Variants in AHSA1 observed in about 807,000 individuals in gnomAD.
AHSA1 encodes activator of HSP90 ATPase activity 1.
In AHSA1, 14 loss-of-function variants were observed where a neutral mutation model predicts 46.1. The observed-to-expected ratio is 0.30, with a 90% confidence interval of 0.20 to 0.47. AHSA1 has a LOEUF of 0.47. Ranked by LOEUF, AHSA1 falls within the 20% of genes least tolerant of loss-of-function variation. The pLI is 0.99. For missense variants in AHSA1, 333 were observed against 415.9 expected (o/e 0.80, Z 1.73); for synonymous variants, 147 against 145.8 (o/e 1.01, Z -0.06).
intron 7 of AHSA1, 80 bp from the exon 8 acceptor site, chr14:77,468,377 T>C: frequency 1.5e-6 from 2 of 1,373,920 alleles, no homozygotes; most frequent in Non-Finnish European, 1.0e-6. Context: ...AGACTCCGTA[T>C]GAAGGGCAGA....
intron 1 of AHSA1, among the ~76,000 whole-genome samples, 198 bp from the exon 2 acceptor site, chr14:77,459,418 C>A (rs1021379950): frequency 1.3e-5 from 2 of 152,234 alleles, no homozygotes; most frequent in Non-Finnish European, 2.9e-5. Context: ...TCTACAGCAG[C>A]TGTCTTTGTT....
At chr14:77,463,183 G>C (rs1023829442) in intron 4 of AHSA1, 1 of 200,822 alleles carries the variant, frequency 5.0e-6, no homozygotes, top group East Asian at 1.1e-4. Flanking sequence ...GGGAGGCTGA[G>C]GTGGGAGAGT....
intron 1 of AHSA1, 93 bp downstream of exon 1, chr14:77,458,362 C>G: frequency 7.4e-7 from 1 of 1,355,820 alleles, no homozygotes; most frequent in Non-Finnish European, 1.0e-6. Context: ...AGAGCTGGGG[C>G]TGAGGTAGCC....
At position 77,467,419 on chromosome 14, in the gene AHSA1, C is replaced by T. The variant is rs140938478; in HGVS notation, c.691-664C>T. ...TCTCAAAAAAAATAAAAGGGCTGGG[C>T]GCGGTGGCTCACGCCTGTAATCCCA... is the stretch of plus-strand genomic sequence containing the variant. On this transcript the variant is annotated intron_variant, in intron 6 of 8. Coordinates refer to ENST00000216479, the MANE Select transcript of AHSA1 (RefSeq NM_012111.3). 9.2e-5 allele frequency among the ~76,000 whole-genome samples: 14 copies of T among 151,464 alleles called. No individual in the cohort carries two copies. In the East Asian group the frequency reaches 1.2e-3, roughly 13 times the overall value.
chr14:77,468,667 ATCC>A (rs1339651100), intron 8 of AHSA1, 159 bp downstream of exon 8: 1 of 625,208 alleles, frequency 1.6e-6, no homozygotes, highest in East Asian at 2.9e-5. Flanking sequence ...GACCCAAACG[ATCC>A]TCCTGCTTCA....
At chr14:77,460,011 A>C in intron 2 of AHSA1, 2 of 606,362 alleles carry the variant, frequency 3.3e-6, no homozygotes, top group Non-Finnish European at 5.8e-6. Flanking sequence ...TCTGGGTCTC[A>C]TAAGTCCCAT....
At chr14:77,466,616 C>T (rs1034853542) in intron 6 of AHSA1, among the ~76,000 whole-genome samples, 3 of 152,220 alleles carry the variant, frequency 2.0e-5, no homozygotes, top group African/African-American at 7.2e-5. Context: ...ACCCAAAATA[C>T]TCTCGTGATA....
rs755362416 is a variant in AHSA1 at position 77,465,687 on chromosome 14, C to T, written c.690+20C>T. On this transcript the variant is annotated intron_variant, in intron 6 of 8. Coordinates refer to ENST00000216479, the MANE Select transcript of AHSA1 (RefSeq NM_012111.3). The stretch of plus-strand genomic sequence containing the variant: ...CAAGAGGTAAGTAAGTCTTGTCCTT[C>T]AGGCCTCATGCCATCTGCCCTTCTA... The T allele has an allele frequency of 1.2e-6, 2 of 1,611,794 alleles. No individual in the cohort carries two copies. Among genetic ancestry groups the T allele is most frequent in the Non-Finnish European group, 8.5e-7 (1 of 1,178,384 alleles).
chr14:77,469,094 A>G lies in AHSA1; in HGVS notation c.862A>G (p.Thr288Ala), dbSNP rs748895490. 15 of 1,613,864 alleles carry G rather than the reference A, an allele frequency of 9.3e-6. No homozygotes were observed. The highest frequency in any genetic ancestry group is 1.3e-5 in the Non-Finnish European group (15 of 1,179,982). ...SWPEGHFATITLTFIDKNGET... is the reference protein window; with the variant it reads ...SWPEGHFATIALTFIDKNGET... ...TTTCCCAGGACACTTTGCCACCATC[A>G]CCTTGACCTTCATCGACAAGAACGG... The change falls in exon 9 of 9, where the codon ACC (threonine) becomes GCC (alanine). Residue 288 changes from threonine to alanine, a missense_variant. Physicochemically the swap from Thr to Ala is moderately conservative, Grantham distance 58 (BLOSUM62 0). Coordinates refer to ENST00000216479, the MANE Select transcript of AHSA1 (RefSeq NM_012111.3).
intron 1 of AHSA1, among the ~76,000 whole-genome samples, chr14:77,458,762 G>A (rs557836264): frequency 6.6e-6 from 1 of 152,354 alleles, no homozygotes; most frequent in African/African-American, 2.4e-5. Context: ...TCAGAGCTCA[G>A]ATAGCTGCGG....
In AHSA1 at chr14:77,458,135, C is replaced by T. The variant is rs2078994577; in HGVS notation, c.-55C>T. On this transcript the variant is annotated 5_prime_UTR_variant, in exon 1 of 9. Transcript: ENST00000216479. ...GCCGGGCGGCTGGCACTAAGCGGTC[C>T]TGAGGCTGTGGCTACGGCTGCTCCG... 2 of 1,478,132 alleles carry T rather than the reference C, an allele frequency of 1.4e-6. No homozygotes were observed. The highest frequency in any genetic ancestry group is 2.6e-5 in the South Asian group (2 of 77,238). The allele number at this position is 1,478,132 out of a possible 1,614,324, so 91.6% of individuals were successfully genotyped here.
Position 77,462,777 on chromosome 14 carries a change from C to T in AHSA1, c.472+18C>T, listed in dbSNP as rs773864643. ...CAAAACAGGTATCCCTTGAGTAGTT[C>T]TGTATGCCTTAAGGAGGTAGTTTCC... On this transcript the variant is annotated intron_variant, in intron 4 of 8. Transcript: ENST00000216479. 2 of 1,601,572 alleles carry T rather than the reference C, an allele frequency of 1.2e-6. No individual in the cohort carries two copies. Among genetic ancestry groups the T allele is most frequent in the Admixed American group, 1.7e-5 (1 of 59,962 alleles).
At chr14:77,459,173 C>T (rs1003204456) in intron 1 of AHSA1, among the ~76,000 whole-genome samples, 1 of 152,122 alleles carries the variant, frequency 6.6e-6, no homozygotes, top group Non-Finnish European at 1.5e-5. Flanking sequence ...AATGCAAGTG[C>T]GAATCTGATA....
chr14:77,463,438 T>C (rs1652928296), intron 4 of AHSA1, among the ~76,000 whole-genome samples: 1 of 151,506 alleles, frequency 6.6e-6, no homozygotes, highest in South Asian at 2.1e-4. Flanking sequence ...AATACAAAAT[T>C]AGCCGGGCAT....
chr14:77,459,913 A>G (rs2079014335), intron 2 of AHSA1, 107 bp downstream of exon 2: 1 of 1,278,742 alleles, frequency 7.8e-7, no homozygotes, highest in Non-Finnish European at 1.1e-6. Flanking sequence ...GGGAGAAGGC[A>G]GATGTTGCTG....
chr14:77,469,093 C>A lies in AHSA1; in HGVS notation c.861C>A (p.Ile287=), dbSNP rs1184112575. The change falls in exon 9 of 9, where the codon ATC becomes ATA. Residue 287 remains isoleucine, a synonymous_variant. Transcript: ENST00000216479. ...CTTTCCCAGGACACTTTGCCACCAT[C>A]ACCTTGACCTTCATCGACAAGAACG... ...KSWPEGHFAT[I]TLTFIDKNGE... 4 of 1,614,046 alleles carry A rather than the reference C, an allele frequency of 2.5e-6. No individual in the cohort carries two copies. Among genetic ancestry groups the A allele is most frequent in the African/African-American group, 2.7e-5 (2 of 74,936 alleles).
At chr14:77,466,798 G>A (rs17751370) in intron 6 of AHSA1, among the ~76,000 whole-genome samples, 8,658 of 152,316 alleles carry the variant, frequency 0.057, 432 homozygotes, top group Admixed American at 0.16. Context: ...GCATTCGATG[G>A]CTAACTTGGT....
At chr14:77,468,410 G>T in intron 7 of AHSA1, 47 bp from the exon 8 acceptor site, 2 of 1,537,504 alleles carry the variant, frequency 1.3e-6, no homozygotes, top group South Asian at 1.2e-5. Context: ...GCTAGGATTG[G>T]GTACATTGTA....
At chr14:77,468,721 C>CTTTTTTTTTTTTTT (rs572116649) in intron 8 of AHSA1, 17 of 224,430 alleles carry the variant, frequency 7.6e-5, no homozygotes, top group African/African-American at 3.2e-4. Flanking sequence ...ACCATGCCAG[C>CTTTTTTTTTTTTTT]TTTTTTTTTT....
Sources: allele counts gnomAD v4.1 joint callset (sites outside exome capture counted in the v4.1 genomes callset), GRCh38; gene constraint gnomAD v4.1.1; transcripts MANE v1.5; gene names NCBI Gene and HGNC (gene_info 2026-07-23, HGNC 2026-07-21).